Variants in TRPM3 observed in about 807,000 individuals in gnomAD.
The protein encoded by TRPM3 is long transient receptor potential channel 3.
A neutral mutation model predicts 181.2 loss-of-function variants in TRPM3; 77 were observed. The observed-to-expected ratio is 0.42, with a 90% CI of 0.35 to 0.51. The LOEUF (loss-of-function observed/expected upper bound fraction) is 0.51. TRPM3 is among the 20% of genes least tolerant of loss of function. The probability of loss-of-function intolerance (pLI) is 0.01; values close to 1 mark genes in which losing one functional copy is unlikely to be tolerated. For missense variants in TRPM3, 1,759 were observed against 2,196.7 expected, an observed-to-expected ratio of 0.80 and a Z score of 3.98; for synonymous variants, 745 against 796.4, an observed-to-expected ratio of 0.94 and a Z score of 1.09.
At chr9:71,206,711 G>A (rs186026248) in intron 1 of TRPM3, among the ~76,000 whole-genome samples, 58 of 152,074 alleles carry the variant, frequency 3.8e-4, no homozygotes, top group Admixed American at 2.1e-3. Context: ...GGATTTTTAT[G>A]GTTTTAGGTC....
intron 1 of TRPM3, among the ~76,000 whole-genome samples, chr9:71,161,618 G>A (rs751863067): frequency 6.6e-6 from 1 of 152,126 alleles, no homozygotes; most frequent in Non-Finnish European, 1.5e-5. Context: ...TTTCAGAAAT[G>A]CAGATTCAAG....
chr9:70,882,411 A>G (rs2096009304), intron 1 of TRPM3, among the ~76,000 whole-genome samples: 1 of 152,152 alleles, frequency 6.6e-6, no homozygotes, highest in Non-Finnish European at 1.5e-5. Flanking sequence ...ATGGATTTCT[A>G]AAGTCAATTT....
chr9:71,145,171 C>T (rs530408895), intron 1 of TRPM3, among the ~76,000 whole-genome samples: 3 of 152,180 alleles, frequency 2.0e-5, no homozygotes, highest in Admixed American at 6.5e-5. Context: ...AGCAAAGAGT[C>T]AACGGTCACA....
intron 8 of TRPM3, among the ~76,000 whole-genome samples, chr9:70,700,131 T>G (rs1191190406): frequency 6.6e-6 from 1 of 152,092 alleles, no homozygotes; most frequent in South Asian, 2.1e-4. Flanking sequence ...TACAGGCATG[T>G]GCCACCATGC....
intron 1 of TRPM3, among the ~76,000 whole-genome samples, chr9:70,943,283 C>A (rs1460864987): frequency 6.6e-6 from 1 of 152,128 alleles, no homozygotes; most frequent in Non-Finnish European, 1.5e-5. Context: ...ATGAATTTGA[C>A]TCAATAAAAA....
At chr9:71,394,315 A>T (rs1250348225) in intron 1 of TRPM3, among the ~76,000 whole-genome samples, 2 of 152,322 alleles carry the variant, frequency 1.3e-5, no homozygotes, top group East Asian at 3.9e-4. Flanking sequence ...TAAATTGTGT[A>T]TATTGTATGA....
chr9:71,253,330 CAG>C (rs1310864158), intron 1 of TRPM3, among the ~76,000 whole-genome samples: 1 of 152,024 alleles, frequency 6.6e-6, no homozygotes, highest in African/African-American at 2.4e-5. Flanking sequence ...CAGTAACTAT[CAG>C]GGGAATTTTG....
intron 1 of TRPM3, among the ~76,000 whole-genome samples, chr9:71,421,373 TA>T (rs1042851999): frequency 2.7e-5 from 4 of 150,244 alleles, no homozygotes; most frequent in Non-Finnish European, 3.0e-5. Flanking sequence ...AGTTGAAATT[TA>T]AAAAAAAAGG....
At chr9:71,251,455 T>C (rs2082337696) in intron 1 of TRPM3, among the ~76,000 whole-genome samples, 1 of 152,190 alleles carries the variant, frequency 6.6e-6, no homozygotes, top group Admixed American at 6.5e-5. Flanking sequence ...TTGGGAGCTT[T>C]ATCATAAATG....
chr9:71,404,908 T>G (rs1378139167), intron 1 of TRPM3, among the ~76,000 whole-genome samples: 1 of 152,224 alleles, frequency 6.6e-6, no homozygotes, highest in Non-Finnish European at 1.5e-5. Flanking sequence ...TATCTCTAGA[T>G]CTAAACCAAA....
chr9:70,950,783 C>T (rs1022559089), intron 1 of TRPM3, among the ~76,000 whole-genome samples: 3 of 152,040 alleles, frequency 2.0e-5, no homozygotes, highest in Admixed American at 6.6e-5. Flanking sequence ...CTTCTCAGAG[C>T]GCATCTACCT....
chr9:70,851,452 G>T (rs1169035345), intron 3 of TRPM3, among the ~76,000 whole-genome samples: 1 of 152,080 alleles, frequency 6.6e-6, no homozygotes, highest in Non-Finnish European at 1.5e-5. Flanking sequence ...GCATTTTTAG[G>T]AATAAGCCTC....
intron 1 of TRPM3, among the ~76,000 whole-genome samples, chr9:71,310,443 C>A (rs1284383252): frequency 6.6e-6 from 1 of 152,104 alleles, no homozygotes; most frequent in African/African-American, 2.4e-5. Flanking sequence ...TAGGCAACAT[C>A]TGTGGTTATT....
chr9:71,054,455 G>A (rs186629729), intron 1 of TRPM3, among the ~76,000 whole-genome samples: 3 of 152,164 alleles, frequency 2.0e-5, no homozygotes, highest in African/African-American at 4.8e-5. Flanking sequence ...AGGTAGTTAC[G>A]AAGTGAAATA....
chr9:70,913,121 A>G (rs1288676242), intron 1 of TRPM3, among the ~76,000 whole-genome samples: 3 of 152,160 alleles, frequency 2.0e-5, no homozygotes, highest in South Asian at 2.1e-4. Flanking sequence ...GCTGAACCCA[A>G]TTCTACCCAA....
chr9:71,167,756 A>G (rs1353628663), intron 1 of TRPM3, among the ~76,000 whole-genome samples: 1 of 152,142 alleles, frequency 6.6e-6, no homozygotes, highest in Non-Finnish European at 1.5e-5. Context: ...GTTTGCCCAG[A>G]CTTTCCTAAT....
At chr9:71,426,833 A>C (rs1270988638) in intron 1 of TRPM3, among the ~76,000 whole-genome samples, 1 of 152,162 alleles carries the variant, frequency 6.6e-6, no homozygotes, top group Non-Finnish European at 1.5e-5. Context: ...AAAAAAAAAA[A>C]ATTCAGACCT....
chr9:71,018,015 CAAAAAGA>C (rs1241325894), intron 1 of TRPM3, among the ~76,000 whole-genome samples: 1 of 151,634 alleles, frequency 6.6e-6, no homozygotes, highest in African/African-American at 2.4e-5. Context: ...CTTCAAATAA[CAAAAAGA>C]TAACTGAATG....
chr9:70,956,173 C>A (rs930426944), intron 1 of TRPM3, among the ~76,000 whole-genome samples: 8 of 152,072 alleles, frequency 5.3e-5, no homozygotes, highest in African/African-American at 1.9e-4. Flanking sequence ...GCATGTTGGG[C>A]GTAACAGACC....
Sources: gnomAD v4.1 joint callset for allele counts (sites outside exome capture counted in the v4.1 genomes callset) on GRCh38, gnomAD v4.1.1 for gene constraint, MANE v1.5 for transcripts, NCBI Gene and HGNC (gene_info 2026-07-23, HGNC 2026-07-21) for gene names.